The following KCNT1 variants were observed in gnomAD, a reference collection of about 807,000 sequenced individuals.
KCNT1 encodes the protein potassium sodium-activated channel subfamily T member 1, also known as potassium channel subfamily T member 1.
In KCNT1, 78 loss-of-function variants were observed where a neutral mutation model predicts 147.8. That is an observed-to-expected ratio of 0.53 (90% CI 0.44 to 0.64). The LOEUF is 0.64. KCNT1 is among the 30% of genes least tolerant of loss of function. The probability of loss-of-function intolerance (pLI) is 0.00; values close to 1 mark genes in which losing one functional copy is unlikely to be tolerated. For synonymous variants in KCNT1, 867 were observed against 748.8 expected, an observed-to-expected ratio of 1.16 and a Z score of -2.58; for missense variants, 1,419 against 1,750.3, an observed-to-expected ratio of 0.81 and a Z score of 3.38.
intron 2 of KCNT1, among the ~76,000 whole-genome samples, chr9:135,726,131 G>A (rs1004674892): frequency 3.9e-5 from 6 of 152,146 alleles, no homozygotes; most frequent in Non-Finnish European, 7.4e-5. Context: ...GCAGTCGTGG[G>A]GGCAGGGGGA....
Position 135,768,874 on chromosome 9 carries a change from C to A in KCNT1, c.1447C>A (p.Pro483Thr), listed in dbSNP as rs759881953. Residue 483 changes from proline to threonine, a missense_variant, in exon 15 of 31, where the codon CCC becomes ACC. By Grantham distance (38) the Pro-to-Thr change is conservative. Coordinates refer to ENST00000371757, the MANE Select transcript of KCNT1 (RefSeq NM_020822.3). ...LRAWAVKDFAPNCPLYVQILK... is the reference protein window; with the variant it reads ...LRAWAVKDFATNCPLYVQILK... ...CGCCTGGGCCGTGAAGGACTTCGCCCCCAACTGCCCCCTCTACGTCCAGAT... is the reference window on the plus strand; with the variant it reads ...CGCCTGGGCCGTGAAGGACTTCGCCACCAACTGCCCCCTCTACGTCCAGAT... 2 of 1,613,466 alleles carry A rather than the reference C, an allele frequency of 1.2e-6. No individual in the cohort carries two copies. Among genetic ancestry groups the A allele is most frequent in the Non-Finnish European group, 1.7e-6 (2 of 1,179,926 alleles).
rs1385683784 is a variant in KCNT1, at chr9:135,702,348, C to T, written c.90C>T (p.Asp30=). ...ACACCAACCGGACCTTCGAGTTTGA[C>T]GACGGCCAATGCGCCCCCAGGTACA... ...GGYTNRTFEF[D]DGQCAPRRPC... The change falls in exon 1 of 31, where the codon GAC becomes GAT. Residue 30 remains aspartate, a synonymous_variant. Coordinates refer to ENST00000371757, the MANE Select transcript of KCNT1 (RefSeq NM_020822.3). The T allele has an allele frequency of 2.5e-6, 4 of 1,611,232 alleles. No individual in the cohort carries two copies. The African/African-American group carries it at 4.0e-5, about 16-fold the overall frequency.
rs1831218748 is a variant in KCNT1, at chr9:135,752,252, C to G, written c.434+1211C>G. The G allele has an allele frequency of 2.4e-6, 1 of 422,664 alleles. No homozygotes were observed. The highest frequency in any genetic ancestry group is 2.1e-5 in the African/African-American group (1 of 48,626). 26.2% of individuals were successfully genotyped at this position (422,664 alleles called of 1,614,324 possible). A position where few individuals can be genotyped will look rare whatever the true frequency, so the allele number is the denominator to read the frequency against. On this transcript the variant is annotated intron_variant, in intron 4 of 30. Coordinates refer to ENST00000371757, the MANE Select transcript of KCNT1 (RefSeq NM_020822.3). The surrounding 1 kb of genome is among the most constrained non-coding windows in gnomAD (Gnocchi z 5.1). ...TGCCGGGAGCCTGGCTTCTGGGGAC[C>G]TAAAGGCGTCCATGTAAACTTTTGC...
At chr9:135,713,738 C>T (rs570547457) in intron 1 of KCNT1, among the ~76,000 whole-genome samples, 1 of 152,310 alleles carries the variant, frequency 6.6e-6, no homozygotes, top group South Asian at 2.1e-4. Flanking sequence ...CCCTCAGCTC[C>T]TGCTTCTCCT....
At chr9:135,727,005 C>G (rs1397065196) in intron 2 of KCNT1, among the ~76,000 whole-genome samples, 2 of 128,516 alleles carry the variant, frequency 1.6e-5, no homozygotes, top group Non-Finnish European at 3.3e-5. Context: ...CTCCCTCTCT[C>G]TTTCCCATTC....
chr9:135,732,036 A>AGAGAGAGAGAGAGAGAGAGAGAGAGG (rs1471974281), intron 2 of KCNT1, among the ~76,000 whole-genome samples: 1 of 137,260 alleles, frequency 7.3e-6, no homozygotes, highest in African/African-American at 2.7e-5. Flanking sequence ...AGAGAGAGAG[A>AGAGAGAGAGAGAGAGAGAGAGAGAGG]GAGAGGGAGT....
chr9:135,710,818 G>A (rs1053115018), intron 1 of KCNT1, among the ~76,000 whole-genome samples: 8 of 152,142 alleles, frequency 5.3e-5, no homozygotes, highest in Non-Finnish European at 1.2e-4. Flanking sequence ...CTTGATTGGC[G>A]GCGATTCCCT....
At chr9:135,758,692 A>G (rs2131445476) in intron 10 of KCNT1, among the ~76,000 whole-genome samples, 184 bp downstream of exon 10, 1 of 152,364 alleles carries the variant, frequency 6.6e-6, no homozygotes, top group South Asian at 2.1e-4. Context: ...CTCCAAGCCC[A>G]CGTCCCCAGT....
At chr9:135,746,307 T>G (rs1564340309) in intron 2 of KCNT1, among the ~76,000 whole-genome samples, 1 of 152,100 alleles carries the variant, frequency 6.6e-6, no homozygotes, top group Non-Finnish European at 1.5e-5. Context: ...CTACCCAGAT[T>G]GGGGCCCACA....
chr9:135,792,013 C>T, intron 30 of KCNT1, 28 bp from the exon 31 acceptor site: 3 of 1,603,240 alleles, frequency 1.9e-6, no homozygotes, highest in African/African-American at 1.3e-5. Context: ...CCCACATCCA[C>T]TCCAGGGTCC....
chr9:135,735,364 T>A (rs1830291353), intron 2 of KCNT1, among the ~76,000 whole-genome samples: 1 of 152,182 alleles, frequency 6.6e-6, no homozygotes, highest in African/African-American at 2.4e-5. Context: ...TCAGCCTCCC[T>A]CGAGTGGTCC....
rs970060944 is a variant in KCNT1, at chr9:135,702,379, C to T, written c.110+11C>T. On this transcript the variant is annotated intron_variant, in intron 1 of 30. Coordinates refer to ENST00000371757, the MANE Select transcript of KCNT1 (RefSeq NM_020822.3). ...CCAATGCGCCCCCAGGTACAGTCTG[C>T]TGCGCCCTCCCCACGCGGGGAGGCC... 4 of 1,601,006 alleles carry T rather than the reference C, an allele frequency of 2.5e-6. No individual in the cohort carries two copies. The highest frequency in any genetic ancestry group is 2.7e-5 in the African/African-American group (2 of 73,898).
At chr9:135,750,251 C>A in intron 3 of KCNT1, 74 bp downstream of exon 3, 1 of 1,215,930 alleles carries the variant, frequency 8.2e-7, no homozygotes, top group Non-Finnish European at 1.2e-6. Flanking sequence ...CTGGCGATGG[C>A]GAAGGCTGGG....
At chr9:135,702,938 C>T (rs1227266351) in intron 1 of KCNT1, 1 of 154,072 alleles carries the variant, frequency 6.5e-6, no homozygotes, top group East Asian at 1.9e-4. Flanking sequence ...TGGCCTATCC[C>T]TGGGAGGAGA....
intron 28 of KCNT1, chr9:135,785,691 A>G (rs10776849): frequency 0.22 from 109,365 of 505,976 alleles, 12,486 homozygotes; most frequent in Non-Finnish European, 0.24. Context: ...CCCAGGTGGG[A>G]TGCCTACCTC....
chr9:135,748,638 A>G (rs1830974698), intron 2 of KCNT1, among the ~76,000 whole-genome samples: 1 of 152,240 alleles, frequency 6.6e-6, no homozygotes, highest in East Asian at 1.9e-4. Context: ...ACTTCTGGAC[A>G]GCTGCCCTGG....
intron 2 of KCNT1, chr9:135,736,843 G>C (rs986312045): frequency 3.1e-6 from 1 of 323,870 alleles, no homozygotes; most frequent in South Asian, 1.5e-4. Flanking sequence ...CATCCTGCTC[G>C]GGCTGCGCTG....
At position 135,786,371 on chromosome 9, in the gene KCNT1, C is replaced by T. The variant is rs777460659; in HGVS notation, c.3352C>T (p.Arg1118Cys). Residue 1118 changes from arginine (R) to cysteine (C), a missense_variant, in exon 29 of 31, where the codon CGC becomes TGC. By Grantham distance (180) the Arg-to-Cys change is radical. Around this residue, in one of 5 missense-constraint regions of KCNT1, gnomAD observed 306 missense variants for 294.2 expected, o/e 1.04. Transcript: ENST00000371757. The stretch of plus-strand genomic sequence containing the variant: ...CCTGCAGTGGGCCCGGAGGCTGAGC[C>T]GCAAGGCGCCCAAGCAGGCAGGCCG... ...KSLQWARRLS[R>C]KAPKQAGRAA... 8.2e-6 allele frequency: 13 copies of T among 1,578,242 alleles called. No homozygotes were observed. The highest frequency in any genetic ancestry group is 4.6e-5 in the South Asian group (4 of 87,494).
chr9:135,786,008 T>C (rs1834015069), intron 28 of KCNT1, 189 bp from the exon 29 acceptor site: 3 of 599,434 alleles, frequency 5.0e-6, no homozygotes, highest in Middle Eastern at 4.4e-4. Context: ...ACCAGGCACA[T>C]TCTTTCCAGA....
Sources: gnomAD v4.1 joint callset for allele counts (sites outside exome capture counted in the v4.1 genomes callset) on GRCh38, gnomAD v4.1.1 for gene constraint, gnomAD v4.1.1 regional missense constraint, Gnocchi (gnomAD v3.1) non-coding constraint, MANE v1.5 for transcripts, NCBI Gene and HGNC (gene_info 2026-07-23, HGNC 2026-07-21) for gene names.